Variants in TOR3A observed in about 807,000 individuals in gnomAD.
TOR3A encodes torsin family 3 member A.
TOR3A carries 44 observed loss-of-function variants against 42.1 expected under a neutral mutation model. The ratio of observed to expected loss-of-function variants is 1.04; its 90% CI spans 0.82 to 1.34. The LOEUF is 1.34. Ranked by LOEUF, TOR3A falls within the 40% of genes most tolerant of loss-of-function variation. The probability of loss-of-function intolerance (pLI) is 0.00; values close to 1 mark genes in which losing one functional copy is unlikely to be tolerated. For missense variants in TOR3A, 521 were observed against 507.6 expected, an observed-to-expected ratio of 1.03 and a Z score of -0.25; for synonymous variants, 227 against 213.2, an observed-to-expected ratio of 1.06 and a Z score of -0.57.
At position 179,095,076 on chromosome 1, in the gene TOR3A, T is replaced by G; in HGVS notation, c.1052T>G (p.Phe351Cys). 6.2e-7 allele frequency: 1 copy of G among 1,614,168 alleles called. No homozygotes were observed. The highest frequency in any genetic ancestry group is 8.5e-7 in the Non-Finnish European group (1 of 1,180,016). ...RHVRLCARDA[F>C]LSQELLYKEE... ...GTGAGGCTGTGTGCACGGGATGCCT[T>G]CCTGAGCCAGGAGCTCCTGTATAAA... The change falls in exon 6 of 6, where the codon TTC becomes TGC. Residue 351 changes from phenylalanine (F) to cysteine (C), a missense_variant. Coordinates refer to ENST00000367627, the MANE Select transcript of TOR3A (RefSeq NM_022371.4).
intron 2 of TOR3A, chr1:179,085,345 AC>A (rs1652399073): frequency 2.9e-6 from 1 of 343,772 alleles, no homozygotes; most frequent in African/African-American, 2.1e-5. Context: ...AATCGCTTGA[AC>A]CAGGGAGGCG....
chr1:179,082,593 A>ACC, intron 1 of TOR3A: 1 of 743,358 alleles, frequency 1.3e-6, no homozygotes, highest in Admixed American at 2.4e-5. Context: ...TCCCCTGCGC[A>ACC]CCCCCCTGGC....
At chr1:179,093,105 G>GAGGGGAGGAGAGTGCAGTGAGGT (rs1475302120) in intron 4 of TOR3A, among the ~76,000 whole-genome samples, 11 of 152,206 alleles carry the variant, frequency 7.2e-5, no homozygotes, top group African/African-American at 2.7e-4. Context: ...GCAGCCCAGG[G>GAGGGGAGGAGAGTGCAGTGAGGT]AGGGGAGGAG....
Position 179,087,935 on chromosome 1 carries a change from G to C in TOR3A, c.664G>C (p.Glu222Gln), listed in dbSNP as rs992043619. The C allele has an allele frequency of 2.5e-6, 4 of 1,600,322 alleles. No homozygotes were observed. The highest frequency in any genetic ancestry group is 1.7e-5 in the Admixed American group (1 of 57,508). Residue 222 changes from glutamate (E) to glutamine (Q), a missense_variant, in exon 4 of 6, where the codon GAG (glutamate) becomes CAG (glutamine). Coordinates refer to ENST00000367627, the MANE Select transcript of TOR3A (RefSeq NM_022371.4). ...YKEQLMSQIRETQQLCHQTLF... is the reference protein window; with the variant it reads ...YKEQLMSQIRQTQQLCHQTLF... ...GGAGCAGCTGATGAGCCAGATCCGG[G>C]AGACGCAGCAGCTCTGCCACCAGAC... is the stretch of plus-strand genomic sequence containing the variant.
rs577489710 is a variant in TOR3A, at chr1:179,082,204, G to A, written c.76G>A (p.Ala26Thr). 17 of 1,501,286 alleles carry A rather than the reference G, an allele frequency of 1.1e-5. No individual in the cohort carries two copies. Among genetic ancestry groups the A allele is most frequent in the East Asian group, 2.7e-5 (1 of 37,342 alleles). 93.0% of individuals were successfully genotyped at this position (1,501,286 alleles called of 1,614,324 possible). ...LLPGAPEPRG[A>T]SRPWEGTDEP... ...CCCGGGCGCGCCTGAGCCCCGCGGCGCCTCCAGGCCGTGGGAGGGAACCGA... is the reference window on the plus strand; with the variant it reads ...CCCGGGCGCGCCTGAGCCCCGCGGCACCTCCAGGCCGTGGGAGGGAACCGA... Residue 26 changes from alanine (A) to threonine (T), a missense_variant, in exon 1 of 6, where the codon GCC (alanine) becomes ACC (threonine). Physicochemically the swap from Ala to Thr is moderately conservative, Grantham distance 58. Coordinates refer to ENST00000367627, the MANE Select transcript of TOR3A (RefSeq NM_022371.4).
intron 3 of TOR3A, 89 bp downstream of exon 3, chr1:179,085,982 G>A: frequency 6.6e-7 from 1 of 1,508,612 alleles, no homozygotes; most frequent in Non-Finnish European, 8.9e-7. Context: ...GGGCTCTGGA[G>A]AAGCCTGGGG....
intron 1 of TOR3A, 56 bp downstream of exon 1, chr1:179,082,443 C>A: frequency 6.5e-7 from 1 of 1,545,680 alleles, no homozygotes; most frequent in Middle Eastern, 1.8e-4. Flanking sequence ...GCGATCCGGG[C>A]GCGGCTGTGG....
At chr1:179,087,890 T>TATATCCCGTGCAGGA in intron 3 of TOR3A, 21 bp from the exon 4 acceptor site, 1 of 1,522,170 alleles carries the variant, frequency 6.6e-7, no homozygotes, top group East Asian at 2.3e-5. Flanking sequence ...CTTCCCCAGC[T>TATATCCCGTGCAGGA]GCTCCCTATA....
At position 179,095,410 on chromosome 1, in the gene TOR3A, TTTGG is replaced by T; in HGVS notation, c.*193_*196del. The T allele has an allele frequency of 7.3e-7, 1 of 1,363,302 alleles. No homozygotes were observed. Among genetic ancestry groups the T allele is most frequent in the Non-Finnish European group, 9.4e-7 (1 of 1,059,466 alleles). 84.5% of individuals were successfully genotyped at this position (1,363,302 alleles called of 1,614,324 possible). On this transcript the variant is annotated 3_prime_UTR_variant, in exon 6 of 6. Coordinates refer to ENST00000367627, the MANE Select transcript of TOR3A (RefSeq NM_022371.4). ...AGCCAAGCCAATCCTTTTTCTTTTTTTTGGAGGTCCCACCGAGATAGATAGGAAC... is the reference window on the plus strand; with the variant it reads ...AGCCAAGCCAATCCTTTTTCTTTTTTAGGTCCCACCGAGATAGATAGGAAC...
intron 4 of TOR3A, among the ~76,000 whole-genome samples, chr1:179,089,356 G>A (rs1572575533): frequency 2.0e-5 from 3 of 151,292 alleles, no homozygotes; most frequent in African/African-American, 4.9e-5. Flanking sequence ...GGTTTAAGCC[G>A]TTGCTGGGTT....
intron 4 of TOR3A, chr1:179,088,315 C>A: frequency 2.8e-6 from 1 of 362,646 alleles, no homozygotes; most frequent in Non-Finnish European, 4.9e-6. Flanking sequence ...CAAGACCAGC[C>A]TGGGCAACAT....
At chr1:179,082,468 T>G (rs1183166429) in intron 1 of TOR3A, 81 bp downstream of exon 1, 2 of 1,485,744 alleles carry the variant, frequency 1.3e-6, no homozygotes, top group East Asian at 4.8e-5. Context: ...CTCGCTCCTG[T>G]CCGGGGCGAC....
chr1:179,094,119 AG>A lies in TOR3A; in HGVS notation c.847del (p.Val283TrpfsTer3). The A allele has an allele frequency of 1.2e-6, 2 of 1,614,036 alleles. No homozygotes were observed. The highest frequency in any genetic ancestry group is 2.2e-5 in the South Asian group (2 of 91,064). On this transcript the variant is annotated frameshift_variant, in exon 5 of 6. Transcript: ENST00000367627. LOFTEE classifies it high-confidence loss of function. ...AATCTCAGGGGCGATATAATCAATG[AG>A]GTGGTCCTAAAGTTGCTCAAGGCTG... Reference protein sequence around the residue: ...LSNLRGDIINEVVLKLLKAGW... With the variant: ...LSNLRGDIINXVVLKLLKAGW...
rs377225622 is a variant in TOR3A at position 179,085,843 on chromosome 1, T to C, written c.589T>C (p.Phe197Leu). Residue 197 changes from phenylalanine (F) to leucine (L), a missense_variant, in exon 3 of 6, where the codon TTC becomes CTC. Coordinates refer to ENST00000367627, the MANE Select transcript of TOR3A (RefSeq NM_022371.4). ...DGLMSDCVRMFIATFHFPHPK... is the reference protein window; with the variant it reads ...DGLMSDCVRMLIATFHFPHPK... ...GCTGATGAGTGACTGTGTCAGGATG[T>C]TCATCGCCACGTTCCACTTTCCTCA... 8.7e-6 allele frequency: 14 copies of C among 1,614,164 alleles called. No individual in the cohort carries two copies. In the African/African-American group the frequency reaches 1.7e-4, roughly 20 times the overall value.
chr1:179,094,859 C>T (rs2102547665), intron 5 of TOR3A, 109 bp from the exon 6 acceptor site: 1 of 1,079,986 alleles, frequency 9.3e-7, no homozygotes, highest in Non-Finnish European at 1.4e-6. Context: ...GCCTGGTTGA[C>T]AGAGCAAGCC....
At chr1:179,089,787 C>T (rs533358228) in intron 4 of TOR3A, among the ~76,000 whole-genome samples, 12 of 152,248 alleles carry the variant, frequency 7.9e-5, no homozygotes, top group African/African-American at 2.6e-4. Context: ...AGCATGGTGA[C>T]CCAGCCTCGG....
At chr1:179,092,509 G>GAGCCTAGGAGTTTGAGACC (rs1652617051) in intron 4 of TOR3A, among the ~76,000 whole-genome samples, 1 of 152,144 alleles carries the variant, frequency 6.6e-6, no homozygotes, top group South Asian at 2.1e-4. Flanking sequence ...AGAATCACTT[G>GAGCCTAGGAGTTTGAGACC]AGCCTAGGAG....
chr1:179,087,712 G>C (rs1413381093), intron 3 of TOR3A, among the ~76,000 whole-genome samples, 199 bp from the exon 4 acceptor site: 1 of 148,748 alleles, frequency 6.7e-6, no homozygotes, highest in Non-Finnish European at 1.5e-5. Flanking sequence ...GGGTGCTTGA[G>C]AATCACCTGG....
chr1:179,094,855 T>C (rs1652690125), intron 5 of TOR3A, 113 bp from the exon 6 acceptor site: 3 of 1,030,366 alleles, frequency 2.9e-6, no homozygotes, highest in African/African-American at 1.6e-5. Flanking sequence ...TCCAGCCTGG[T>C]TGACAGAGCA....
Sources: allele counts gnomAD v4.1 joint callset (sites outside exome capture counted in the v4.1 genomes callset), GRCh38; gene constraint gnomAD v4.1.1; transcripts MANE v1.5; gene names NCBI Gene and HGNC (gene_info 2026-07-23, HGNC 2026-07-21).